Variants in NLRC4 observed in about 807,000 individuals in gnomAD.
NLRC4 encodes the protein NLR family CARD domain-containing protein 4.
A neutral mutation model predicts 79.9 loss-of-function variants in NLRC4; 63 were observed. The observed-to-expected ratio is 0.79, with a 90% CI of 0.64 to 0.97. The LOEUF (loss-of-function observed/expected upper bound fraction) is 0.97, where lower values mean the gene tolerates loss of function less well. Ranked by LOEUF, NLRC4 falls within the 50% of genes least tolerant of loss-of-function variation. NLRC4 has a pLI of 0.00. For synonymous variants in NLRC4, 461 were observed against 456.5 expected (o/e 1.01, Z -0.12); for missense variants, 1,074 against 1,215.2 (o/e 0.88, Z 1.73).
intron 8 of NLRC4, among the ~76,000 whole-genome samples, chr2:32,232,930 A>C (rs1305429406): frequency 6.6e-6 from 1 of 152,086 alleles, no homozygotes. Flanking sequence ...GAATGGATGA[A>C]GGAGAGTGGA....
At chr2:32,229,183 A>T (rs1686474275) in intron 8 of NLRC4, among the ~76,000 whole-genome samples, 1 of 151,770 alleles carries the variant, frequency 6.6e-6, no homozygotes, top group Non-Finnish European at 1.5e-5. Context: ...TAAGCCCAGC[A>T]CTTTGGGAGG....
chr2:32,264,357 C>T (rs1362340479), intron 1 of NLRC4, among the ~76,000 whole-genome samples: 1 of 150,912 alleles, frequency 6.6e-6, no homozygotes, highest in East Asian at 1.9e-4. Context: ...TTGCTTGAAC[C>T]CAGGAGGCAG....
At chr2:32,263,391 G>C (rs1367641252) in intron 1 of NLRC4, among the ~76,000 whole-genome samples, 1 of 152,230 alleles carries the variant, frequency 6.6e-6, no homozygotes, top group Non-Finnish European at 1.5e-5. Flanking sequence ...AAGATGGTCA[G>C]TGGGTATTAT....
Position 32,252,588 on chromosome 2 carries a change from A to G in NLRC4, c.93T>C (p.Asn31=). The part of the protein sequence containing the change: ...KQITDDLFVW[N]VLNREEVNII... ...TGTTTACTTCTTCGCGATTCAGAACATTCCATACAAATAGGTCATCTGTGA... is the reference window on the plus strand; with the variant it reads ...TGTTTACTTCTTCGCGATTCAGAACGTTCCATACAAATAGGTCATCTGTGA... Residue 31 remains asparagine (N), a synonymous_variant, in exon 3 of 9, where the codon AAT becomes AAC. Transcript: ENST00000402280. 6.2e-7 allele frequency: 1 copy of G among 1,614,230 alleles called. No individual in the cohort carries two copies. Among genetic ancestry groups the G allele is most frequent in the Non-Finnish European group, 8.5e-7 (1 of 1,180,016 alleles).
chr2:32,264,586 C>A (rs978390667), intron 1 of NLRC4, among the ~76,000 whole-genome samples, 152 bp downstream of exon 1: 2 of 151,880 alleles, frequency 1.3e-5, no homozygotes, highest in African/African-American at 4.8e-5. Context: ...CTAAAGGTTT[C>A]TCGGCAGGCA....
intron 1 of NLRC4, among the ~76,000 whole-genome samples, chr2:32,261,315 C>CTTTTTTTTT (rs1558464069): frequency 2.5e-5 from 2 of 81,572 alleles, no homozygotes; most frequent in Admixed American, 1.3e-4. Context: ...AAGCCTCCCC[C>CTTTTTTTTT]CTTTTGTTTT....
chr2:32,236,726 C>T (rs1024102852), intron 6 of NLRC4, among the ~76,000 whole-genome samples: 4 of 151,932 alleles, frequency 2.6e-5, no homozygotes, highest in African/African-American at 4.8e-5. Context: ...TATAAAATGC[C>T]GTTAATCATG....
Position 32,250,364 on chromosome 2 carries a change from T to G in NLRC4, c.1500A>C (p.Glu500Asp). Residue 500 changes from glutamate to aspartate, a missense_variant, in exon 4 of 9, where the codon GAA becomes GAC. Transcript: ENST00000402280. This position sits in a 1 kb window ranked among gnomAD's most constrained non-coding sequence, Gnocchi z 4.9. ...GGTGCTTCATAACAGCCCTGGTGGC[T>G]TCCACAGATGACCCACAGGTGTACC... Reference protein sequence around the residue: ...LLRYTCGSSVEATRAVMKHLA... With the variant: ...LLRYTCGSSVDATRAVMKHLA... 1.2e-6 allele frequency: 2 copies of G among 1,614,214 alleles called. No individual in the cohort carries two copies. The highest frequency in any genetic ancestry group is 1.7e-6 in the Non-Finnish European group (2 of 1,180,028).
intron 3 of NLRC4, 23 bp downstream of exon 3, chr2:32,252,396 A>G (rs781307655): frequency 4.5e-6 from 7 of 1,569,742 alleles, no homozygotes; most frequent in East Asian, 2.2e-5. Flanking sequence ...GCAGAAACAG[A>G]TGCAAAACTA....
rs994496482 is a variant in NLRC4, at chr2:32,252,571, T to A, written c.110A>T (p.Glu37Val). Reference sequence around the variant, plus strand: ...CTTCTCGCAGCAAATGATGTTTACTTCTTCGCGATTCAGAACATTCCATAC... The same window carrying A: ...CTTCTCGCAGCAAATGATGTTTACTACTTCGCGATTCAGAACATTCCATAC... ...LFVWNVLNRE[E>V]VNIICCEKVE... The change falls in exon 3 of 9, where the codon GAA becomes GTA. Residue 37 changes from glutamate (E) to valine (V), a missense_variant. Physicochemically the swap from Glu to Val is moderately radical, Grantham distance 121. Transcript: ENST00000402280. The A allele has an allele frequency of 6.2e-7, 1 of 1,614,110 alleles. No individual in the cohort carries two copies. Among genetic ancestry groups the A allele is most frequent in the East Asian group, 2.2e-5 (1 of 44,900 alleles).
At chr2:32,224,893 G>T (rs1280732171) in intron 8 of NLRC4, 128 bp from the exon 9 acceptor site, 2 of 565,750 alleles carry the variant, frequency 3.5e-6, no homozygotes, top group Non-Finnish European at 6.1e-6. Context: ...CCAGTGCTTT[G>T]CCTCAGAAAG....
chr2:32,237,752 C>T (rs1453125863), intron 6 of NLRC4, among the ~76,000 whole-genome samples: 1 of 152,162 alleles, frequency 6.6e-6, no homozygotes, highest in Non-Finnish European at 1.5e-5. Context: ...GAATTAGAAG[C>T]CTGAGATCAT....
chr2:32,243,760 T>C (rs1383610179), intron 4 of NLRC4, among the ~76,000 whole-genome samples: 1 of 148,506 alleles, frequency 6.7e-6, no homozygotes, highest in East Asian at 2.0e-4. Context: ...ATCGCATCAT[T>C]GCACTCAGCC....
At chr2:32,233,349 A>ATATATATATATATATATATTT (rs1418146489) in intron 8 of NLRC4, among the ~76,000 whole-genome samples, 3 of 41,098 alleles carry the variant, frequency 7.3e-5, no homozygotes, top group Non-Finnish European at 1.3e-4. Flanking sequence ...ATATATATAT[A>ATATATATATATATATATATTT]TTTTTTTTTT....
chr2:32,232,992 G>C, intron 8 of NLRC4, among the ~76,000 whole-genome samples: 1 of 151,816 alleles, frequency 6.6e-6, no homozygotes, highest in East Asian at 1.9e-4. Context: ...GTGGCCTCTA[G>C]TCCCAGCTAC....
At position 32,258,097 on chromosome 2, in the gene NLRC4, A is replaced by G. The variant is rs1051873299; in HGVS notation, c.-118-1204T>C. Among the ~76,000 whole-genome samples the G allele has an allele frequency of 3.3e-5, 5 of 152,160 alleles. No individual in the cohort carries two copies. In the East Asian group the frequency reaches 9.7e-4, roughly 29 times the overall value. ...GTTTCATTGAGTGGAAGAAGCTCTCAGCAGATGGGGTAGCCAGAAGGGAGA... is the reference window on the plus strand; with the variant it reads ...GTTTCATTGAGTGGAAGAAGCTCTCGGCAGATGGGGTAGCCAGAAGGGAGA... On this transcript the variant is annotated intron_variant, in intron 1 of 8. Transcript: ENST00000402280.
chr2:32,236,110 C>A, intron 7 of NLRC4, 137 bp downstream of exon 7: 1 of 555,076 alleles, frequency 1.8e-6, no homozygotes, highest in Non-Finnish European at 3.2e-6. Context: ...TTAAGAAAGG[C>A]CTAAATGATT....
At chr2:32,227,425 A>G (rs946337082) in intron 8 of NLRC4, among the ~76,000 whole-genome samples, 3 of 151,920 alleles carry the variant, frequency 2.0e-5, no homozygotes, top group East Asian at 1.9e-4. Flanking sequence ...TCTCTCTTCC[A>G]TCTCATGTTC....
chr2:32,234,655 C>T (rs1294062065), intron 8 of NLRC4, among the ~76,000 whole-genome samples: 4 of 152,180 alleles, frequency 2.6e-5, no homozygotes, highest in African/African-American at 7.2e-5. Context: ...TGAGGACACT[C>T]ACAGCCTGTG....
Sources: gnomAD v4.1 joint callset for allele counts (sites outside exome capture counted in the v4.1 genomes callset) on GRCh38, gnomAD v4.1.1 for gene constraint, Gnocchi (gnomAD v3.1) non-coding constraint, MANE v1.5 for transcripts, NCBI Gene and HGNC (gene_info 2026-07-23, HGNC 2026-07-21) for gene names.